The following ZNF705B variants were observed in gnomAD, a reference collection of about 807,000 sequenced individuals.
The protein encoded by ZNF705B is Putative zinc finger protein 705D-like protein LOC100132396.
Under a neutral mutation model 10.5 loss-of-function variants are expected in ZNF705B, and 1 was observed. The ratio of observed to expected loss-of-function variants is 0.10; its 90% CI spans 0.03 to 0.45. The LOEUF is 0.45. Among genes scored for constraint, ZNF705B ranks in the 20% least tolerant of loss-of-function variants. ZNF705B has a pLI of 0.97. For synonymous variants in ZNF705B, 4 were observed against 25.4 expected (o/e 0.16, Z 2.53); for missense variants, 14 against 84.0 (o/e 0.17, Z 3.26).
chr8:7,935,064 CTT>C (rs1267557726), intron 2 of ZNF705B, among the ~76,000 whole-genome samples: 1 of 92,756 alleles, frequency 1.1e-5, no homozygotes, highest in Admixed American at 1.2e-4. Flanking sequence ...ATAGATGTAT[CTT>C]TCAAAAATAG....
At chr8:7,935,471 ATAAC>A (rs1226459404) in intron 2 of ZNF705B, among the ~76,000 whole-genome samples, 2 of 112,112 alleles carry the variant, frequency 1.8e-5, no homozygotes, top group African/African-American at 5.2e-5. Flanking sequence ...CTTTTCCATG[ATAAC>A]TTCTTGGCAG....
rs551349553 is a variant in ZNF705B, at chr8:7,936,730, G to A, written c.-72+6294G>A. The stretch of plus-strand genomic sequence containing the variant: ...GATTGGGTCTTACCAGGAGGGGAGG[G>A]AGAGGGAGTAAAGTCTGAAAAGCTA... On this transcript the variant is annotated intron_variant, in intron 2 of 6. Transcript: ENST00000400120. Among the ~76,000 whole-genome samples the A allele has an allele frequency of 6.7e-5, 8 of 118,882 alleles. 2 individuals are homozygous for A. The Admixed American group carries it at 6.8e-4, about 10-fold the overall frequency. The allele number at this position is 118,882 out of a possible 152,430, so 78.0% of individuals were successfully genotyped here.
chr8:7,931,525 A>G (rs1819848075), intron 2 of ZNF705B, among the ~76,000 whole-genome samples: 1 of 122,216 alleles, frequency 8.2e-6, no homozygotes, highest in Non-Finnish European at 2.0e-5. Context: ...AGGCATGCAC[A>G]GGTGCCAATG....
intron 2 of ZNF705B, among the ~76,000 whole-genome samples, chr8:7,935,163 T>G (rs1368048567): frequency 9.5e-6 from 1 of 105,774 alleles, no homozygotes; most frequent in African/African-American, 2.7e-5. Flanking sequence ...TCCTATGTGT[T>G]TAATACATAA....
chr8:7,936,870 G>T (rs539335112), intron 2 of ZNF705B, among the ~76,000 whole-genome samples: 2 of 119,366 alleles, frequency 1.7e-5, no homozygotes, highest in African/African-American at 5.1e-5. Context: ...TAAAATAAAG[G>T]TTGAAGTTAT....
At chr8:7,927,569 G>C (rs1386352601) in intron 1 of ZNF705B, among the ~76,000 whole-genome samples, 1 of 106,128 alleles carries the variant, frequency 9.4e-6, no homozygotes, top group Non-Finnish European at 2.3e-5. Flanking sequence ...GTATTGGGTA[G>C]CAATTGACTC....
intron 2 of ZNF705B, among the ~76,000 whole-genome samples, chr8:7,931,912 C>A (rs1200451899): frequency 8.0e-6 from 1 of 125,294 alleles, no homozygotes; most frequent in African/African-American, 2.5e-5. Context: ...ACTCTGCAGG[C>A]CTCTGGATGG....
chr8:7,931,963 T>G (rs182914192), intron 2 of ZNF705B, among the ~76,000 whole-genome samples: 4,795 of 88,580 alleles, frequency 0.054, 106 homozygotes, highest in Admixed American at 0.078. Flanking sequence ...ATGTGGAGAT[T>G]CAGGGGCTGT....
intron 1 of ZNF705B, among the ~76,000 whole-genome samples, chr8:7,930,026 C>T (rs1433800454): frequency 9.7e-6 from 1 of 102,612 alleles, no homozygotes; most frequent in East Asian, 2.9e-4. Flanking sequence ...GGTACATGCG[C>T]AGATTTGTTA....
rs541804806 is a variant in ZNF705B, at chr8:7,932,729, C to T, written c.-72+2293C>T. 5.2e-3 allele frequency among the ~76,000 whole-genome samples: 619 copies of T among 118,444 alleles called. 47 individuals carry two copies. Among genetic ancestry groups the T allele is most frequent in the African/African-American group, 0.015 (579 of 39,268 alleles). The allele number at this position is 118,444 out of a possible 152,430, so 77.7% of individuals were successfully genotyped here. A position where few individuals can be genotyped will look rare whatever the true frequency, so the allele number is the denominator to read the frequency against. ...GAGTAGTCCATGTGACATAACTTAA[C>T]ATTGTTTCTTGGCCAAATCAGGCAT... On this transcript the variant is annotated intron_variant, in intron 2 of 6. Transcript: ENST00000400120.
chr8:7,940,561 C>G (rs1360147748), intron 2 of ZNF705B, among the ~76,000 whole-genome samples: 2 of 126,132 alleles, frequency 1.6e-5, no homozygotes, highest in African/African-American at 2.7e-5. Context: ...CGTGGTATAT[C>G]TGAAACTTTG....
At position 7,933,076 on chromosome 8, in the gene ZNF705B, A is replaced by C; in HGVS notation, c.-72+2640A>C. 1.7e-5 allele frequency among the ~76,000 whole-genome samples: 2 copies of C among 119,370 alleles called. 1 individual carries two copies. Among genetic ancestry groups the C allele is most frequent in the Non-Finnish European group, 4.0e-5 (2 of 49,952 alleles). The allele number at this position is 119,370 out of a possible 152,430, so 78.3% of individuals were successfully genotyped here. On this transcript the variant is annotated intron_variant, in intron 2 of 6. Coordinates refer to ENST00000400120, the MANE Select transcript of ZNF705B (RefSeq NM_001193630.1). The stretch of plus-strand genomic sequence containing the variant: ...GTTTCCTGTGAAATTAAGGCTGTTA[A>C]TCAGCTGACCTTAAAATAGGGAGAT...
At chr8:7,940,786 C>T (rs1406383913) in intron 2 of ZNF705B, among the ~76,000 whole-genome samples, 5 of 131,240 alleles carry the variant, frequency 3.8e-5, no homozygotes, top group Non-Finnish European at 8.6e-5. Flanking sequence ...TTATGGAACA[C>T]TGAACAATAT....
rs1248104856 is a variant in ZNF705B at position 7,948,167 on chromosome 8, A to G, written c.12+734A>G. On this transcript the variant is annotated intron_variant, in intron 3 of 6. Transcript: ENST00000400120. Reference sequence around the variant, plus strand: ...TATGGTTGCACACTCAGAAGAAGGAATATAGTAGATAGAGTACAATTTAGG... The same window carrying G: ...TATGGTTGCACACTCAGAAGAAGGAGTATAGTAGATAGAGTACAATTTAGG... Among the ~76,000 whole-genome samples the G allele has an allele frequency of 1.2e-4, 3 of 24,198 alleles. 1 individual carries two copies. The highest frequency in any genetic ancestry group is 2.4e-4 in the African/African-American group (3 of 12,626). 15.9% of individuals were successfully genotyped at this position (24,198 alleles called of 152,430 possible). A position where few individuals can be genotyped will look rare whatever the true frequency, so the allele number is the denominator to read the frequency against.
chr8:7,933,514 A>ACT (rs1819908520), intron 2 of ZNF705B, among the ~76,000 whole-genome samples: 1 of 34,022 alleles, frequency 2.9e-5, no homozygotes, highest in African/African-American at 5.7e-5. Context: ...AAAGCTGGGA[A>ACT]GCAAAGGAAT....
At chr8:7,935,908 C>T (rs534648441) in intron 2 of ZNF705B, among the ~76,000 whole-genome samples, 58 of 91,348 alleles carry the variant, frequency 6.3e-4, no homozygotes, top group African/African-American at 1.5e-3. Flanking sequence ...AAAATTGGCC[C>T]TTTGCAGCTG....
At chr8:7,930,651 C>T (rs1471319942) in intron 2 of ZNF705B, among the ~76,000 whole-genome samples, 2 of 104,522 alleles carry the variant, frequency 1.9e-5, no homozygotes, top group South Asian at 3.8e-4. Flanking sequence ...TTACATTCAT[C>T]TAGTTGTTGC....
Position 7,936,264 on chromosome 8 carries a change from C to T in ZNF705B, c.-72+5828C>T, listed in dbSNP as rs1405690867. 5.0e-4 allele frequency among the ~76,000 whole-genome samples: 60 copies of T among 120,136 alleles called. 4 individuals are homozygous for T. The highest frequency in any genetic ancestry group is 1.1e-3 in the African/African-American group (43 of 39,240). The allele number at this position is 120,136 out of a possible 152,430, so 78.8% of individuals were successfully genotyped here. A position where few individuals can be genotyped will look rare whatever the true frequency, so the allele number is the denominator to read the frequency against. ...ACTCTCGGTTCAGAGGTCTTTGAAT[C>T]ATGTGTACTATTTTACTATACCTGA... On this transcript the variant is annotated intron_variant, in intron 2 of 6. Coordinates refer to ENST00000400120, the MANE Select transcript of ZNF705B (RefSeq NM_001193630.1).
In ZNF705B at chr8:7,935,796, G is replaced by A. The variant is rs1161320223; in HGVS notation, c.-72+5360G>A. The stretch of plus-strand genomic sequence containing the variant: ...GTTGACCACTTGGTAGAAACAAGCT[G>A]AAATCTGAGTTTTTTGATCCCTGAG... On this transcript the variant is annotated intron_variant, in intron 2 of 6. Transcript: ENST00000400120. 2.2e-5 allele frequency among the ~76,000 whole-genome samples: 2 copies of A among 90,782 alleles called. 1 individual carries two copies. Among genetic ancestry groups the A allele is most frequent in the African/African-American group, 5.5e-5 (2 of 36,338 alleles). 59.6% of individuals were successfully genotyped at this position (90,782 alleles called of 152,430 possible).
Sources: gnomAD v4.1 joint callset for allele counts (sites outside exome capture counted in the v4.1 genomes callset) on GRCh38, gnomAD v4.1.1 for gene constraint, MANE v1.5 for transcripts, NCBI Gene and HGNC (gene_info 2026-07-23, HGNC 2026-07-21) for gene names.